Variants in CDK20 observed in about 807,000 individuals in gnomAD.
CDK20 encodes cyclin dependent kinase 20.
CDK20 carries 40 observed loss-of-function variants against 38.6 expected under a neutral mutation model. The observed-to-expected ratio is 1.04, with a 90% CI of 0.81 to 1.35. The LOEUF (loss-of-function observed/expected upper bound fraction) is 1.35, where lower values mean the gene tolerates loss of function less well. CDK20 is among the 40% of genes most tolerant of loss of function. The pLI is 0.00. For synonymous variants in CDK20, 209 were observed against 185.7 expected, an observed-to-expected ratio of 1.13 and a Z score of -1.02; for missense variants, 512 against 452.6, an observed-to-expected ratio of 1.13 and a Z score of -1.19.
intron 1 of CDK20, 161 bp downstream of exon 1, chr9:87,974,211 C>A: frequency 7.8e-7 from 1 of 1,277,838 alleles, no homozygotes; most frequent in Non-Finnish European, 1.1e-6. Flanking sequence ...ACCAAGCCAG[C>A]TGTGCGGAGG....
At position 87,974,454 on chromosome 9, in the gene CDK20, C is replaced by A; in HGVS notation, c.-8G>T. 6.2e-7 allele frequency: 1 copy of A among 1,610,278 alleles called. No homozygotes were observed. Among genetic ancestry groups the A allele is most frequent in the Non-Finnish European group, 8.5e-7 (1 of 1,179,014 alleles). ...GATGCAGTACTGGTCCATCCCGCTGCAGTCGTGGGCCTGTGCCCCTGTGCC... is the reference window on the plus strand; with the variant it reads ...GATGCAGTACTGGTCCATCCCGCTGAAGTCGTGGGCCTGTGCCCCTGTGCC... On this transcript the variant is annotated 5_prime_UTR_variant, in exon 1 of 8. Coordinates refer to ENST00000325303, the MANE Select transcript of CDK20 (RefSeq NM_001039803.3).
Position 87,974,503 on chromosome 9 carries a change from T to G in CDK20, c.-57A>C, listed in dbSNP as rs983585025. ...CCCCTGAACTTCCAAACTCCACTTCTCCTCCACCCCACGCTGATCTGAGCT... is the reference window on the plus strand; with the variant it reads ...CCCCTGAACTTCCAAACTCCACTTCGCCTCCACCCCACGCTGATCTGAGCT... On this transcript the variant is annotated 5_prime_UTR_variant, in exon 1 of 8. Coordinates refer to ENST00000325303, the MANE Select transcript of CDK20 (RefSeq NM_001039803.3). 1 of 1,486,966 alleles carries G rather than the reference T, an allele frequency of 6.7e-7. No individual in the cohort carries two copies. 92.1% of individuals were successfully genotyped at this position (1,486,966 alleles called of 1,614,324 possible).
rs1829789887 is a variant in CDK20, at chr9:87,970,758, G to C, written c.500+18C>G. 2 of 1,613,982 alleles carry C rather than the reference G, an allele frequency of 1.2e-6. No individual in the cohort carries two copies. The highest frequency in any genetic ancestry group is 1.7e-6 in the Non-Finnish European group (2 of 1,179,982). On this transcript the variant is annotated intron_variant, in intron 4 of 7. Transcript: ENST00000325303. ...TCTTCCCCATGGAGAAGACTGGAAG[G>C]GATCTGGCCCTCCCTACCTGGTGGC... is the stretch of plus-strand genomic sequence containing the variant.
intron 5 of CDK20, chr9:87,970,211 C>T (rs1400332938): frequency 4.5e-6 from 2 of 442,022 alleles, no homozygotes; most frequent in Non-Finnish European, 7.9e-6. Flanking sequence ...TATCTTCTTG[C>T]TGCAAAACAA....
intron 7 of CDK20, chr9:87,968,962 G>C (rs908923832): frequency 3.7e-6 from 2 of 542,384 alleles, no homozygotes; most frequent in Non-Finnish European, 6.5e-6. Context: ...CATGCCCCTC[G>C]TATGGGCCAC....
intron 2 of CDK20, 70 bp downstream of exon 2, chr9:87,973,852 A>G (rs1587630875): frequency 6.6e-7 from 1 of 1,505,804 alleles, no homozygotes. Flanking sequence ...TAGCTGGGAA[A>G]ATGAAGGCAC....
chr9:87,971,482 C>CA, intron 2 of CDK20, 147 bp from the exon 3 acceptor site: 1 of 694,504 alleles, frequency 1.4e-6, no homozygotes, highest in Non-Finnish European at 2.4e-6. Flanking sequence ...AGCTAAGAAT[C>CA]AGAGAGCTCG....
chr9:87,967,301 T>A lies in CDK20; in HGVS notation c.*161A>T. The A allele has an allele frequency of 1.3e-6, 1 of 749,154 alleles. No homozygotes were observed. Among genetic ancestry groups the A allele is most frequent in the Non-Finnish European group, 2.4e-6 (1 of 424,138 alleles). 46.4% of individuals were successfully genotyped at this position (749,154 alleles called of 1,614,324 possible). On this transcript the variant is annotated 3_prime_UTR_variant, in exon 8 of 8. Coordinates refer to ENST00000325303, the MANE Select transcript of CDK20 (RefSeq NM_001039803.3). ...CATACTCTTGGCTGGGAACATGACC[T>A]CTGCCTCGAGACCAACCCTCGCAAG...
Position 87,970,785 on chromosome 9 carries a change from A to C in CDK20, c.491T>G (p.Val164Gly), listed in dbSNP as rs1587622042. The change falls in exon 4 of 8, where the codon GTG becomes GGG. Residue 164 changes from valine to glycine, a missense_variant. By Grantham distance (109) the Val-to-Gly change is moderately radical. Transcript: ENST00000325303. ...PDGSRLYTHQ[V>G]ATRWYRAPEL... ...ATCTGGCCCTCCCTACCTGGTGGCC[A>C]CCTGGTGTGTGTAGAGGCGGCTGCC... is the stretch of plus-strand genomic sequence containing the variant. 1.9e-6 allele frequency: 3 copies of C among 1,614,136 alleles called. No homozygotes were observed. Among genetic ancestry groups the C allele is most frequent in the Non-Finnish European group, 2.5e-6 (3 of 1,180,012 alleles).
intron 1 of CDK20, 138 bp from the exon 2 acceptor site, chr9:87,974,173 G>T: frequency 6.9e-7 from 1 of 1,449,608 alleles, no homozygotes; most frequent in Non-Finnish European, 9.3e-7. Context: ...TCTAGGACTA[G>T]CCTGGGACCC....
At chr9:87,974,261 G>A in intron 1 of CDK20, 111 bp downstream of exon 1, 1 of 1,288,242 alleles carries the variant, frequency 7.8e-7, no homozygotes, top group East Asian at 2.4e-5. Flanking sequence ...ATATGAGTAG[G>A]TTTTAAAAAC....
At chr9:87,971,689 C>T (rs183816542) in intron 2 of CDK20, among the ~76,000 whole-genome samples, 1 of 152,230 alleles carries the variant, frequency 6.6e-6, no homozygotes, top group Non-Finnish European at 1.5e-5. Flanking sequence ...ACCACCGAAT[C>T]CCAGCACCAA....
intron 2 of CDK20, among the ~76,000 whole-genome samples, chr9:87,972,808 TATCCCACAC>T (rs1829954915): frequency 6.6e-6 from 1 of 152,216 alleles, no homozygotes; most frequent in Non-Finnish European, 1.5e-5. Flanking sequence ...TCTCTCCACC[TATCCCACAC>T]ATGGCTGTCT....
Position 87,966,470 on chromosome 9 carries a change from T to C in CDK20, c.*992A>G, listed in dbSNP as rs1829447186. 1 of 153,720 alleles carries C rather than the reference T, an allele frequency of 6.5e-6. No individual in the cohort carries two copies. The highest frequency in any genetic ancestry group is 1.4e-5 in the Non-Finnish European group (1 of 69,090). 9.5% of individuals were successfully genotyped at this position (153,720 alleles called of 1,614,324 possible). A position where few individuals can be genotyped will look rare whatever the true frequency, so the allele number is the denominator to read the frequency against. On this transcript the variant is annotated 3_prime_UTR_variant, in exon 8 of 8. Transcript: ENST00000325303. ...TATCCTTGAACCACAATCATACTCTTTATTATTATACAAACTTTTAAATAT... is the reference window on the plus strand; with the variant it reads ...TATCCTTGAACCACAATCATACTCTCTATTATTATACAAACTTTTAAATAT...
At chr9:87,969,163 A>T (rs1829665043) in intron 7 of CDK20, 31 bp downstream of exon 7, 3 of 1,609,526 alleles carry the variant, frequency 1.9e-6, no homozygotes, top group Non-Finnish European at 2.5e-6. Context: ...AGGGGAGCTG[A>T]AGGAGCAGAG....
chr9:87,971,372 G>A, intron 2 of CDK20, 37 bp from the exon 3 acceptor site: 2 of 1,573,930 alleles, frequency 1.3e-6, no homozygotes, highest in Non-Finnish European at 1.7e-6. Context: ...CCAGACTCAA[G>A]TCACCAGACC....
intron 1 of CDK20, 130 bp downstream of exon 1, chr9:87,974,242 A>C (rs898958733): frequency 8.3e-7 from 1 of 1,210,896 alleles, no homozygotes; most frequent in Non-Finnish European, 1.2e-6. Flanking sequence ...GGCCCAAAGT[A>C]GGTTTAGAAT....
chr9:87,974,500 T>C lies in CDK20; in HGVS notation c.-54A>G, dbSNP rs1306626229. On this transcript the variant is annotated 5_prime_UTR_variant, in exon 1 of 8. Transcript: ENST00000325303. ...GTGCCCCTGAACTTCCAAACTCCAC[T>C]TCTCCTCCACCCCACGCTGATCTGA... 10 of 1,518,084 alleles carry C rather than the reference T, an allele frequency of 6.6e-6. No homozygotes were observed. The highest frequency in any genetic ancestry group is 1.8e-5 in the Admixed American group (1 of 56,008). The allele number at this position is 1,518,084 out of a possible 1,614,324, so 94.0% of individuals were successfully genotyped here.
At chr9:87,971,919 G>C (rs1829888813) in intron 2 of CDK20, among the ~76,000 whole-genome samples, 1 of 152,198 alleles carries the variant, frequency 6.6e-6, no homozygotes, top group South Asian at 2.1e-4. Context: ...CAAAATACAA[G>C]GGGGCTGGGC....
Sources: gnomAD v4.1 joint callset for allele counts (sites outside exome capture counted in the v4.1 genomes callset) on GRCh38, gnomAD v4.1.1 for gene constraint, MANE v1.5 for transcripts, NCBI Gene and HGNC (gene_info 2026-07-23, HGNC 2026-07-21) for gene names.